Variants in RLIM observed in about 807,000 individuals in gnomAD.
RLIM encodes ring finger protein, LIM domain interacting.
RLIM carries 2 observed loss-of-function variants against 34.0 expected under a neutral mutation model. The ratio of observed to expected loss-of-function variants is 0.06; its 90% CI spans 0.02 to 0.19. The LOEUF is 0.19. Among genes scored for constraint, RLIM ranks in the 10% least tolerant of loss-of-function variants. The probability of loss-of-function intolerance (pLI) is 1.00; values close to 1 mark genes in which losing one functional copy is unlikely to be tolerated. For synonymous variants in RLIM, 169 were observed against 164.0 expected (o/e 1.03, Z -0.23); for missense variants, 286 against 479.7 (o/e 0.60, Z 3.77).
chrX:74,609,896 A>G (rs960977927), intron 1 of RLIM, among the ~76,000 whole-genome samples: 9 of 112,148 alleles, frequency 8.0e-5, no homozygotes, highest in Non-Finnish European at 1.3e-4. Flanking sequence ...CATTCCAGAA[A>G]AAAATTTTAA....
chrX:74,605,565 T>C (rs926261728), intron 1 of RLIM, among the ~76,000 whole-genome samples: 3 of 112,042 alleles, frequency 2.7e-5, no homozygotes, highest in Non-Finnish European at 5.6e-5. Context: ...GCTGGGATCT[T>C]TCAACATCAT....
Position 74,591,273 on chromosome X carries a change from T to C in RLIM, c.*167A>G, listed in dbSNP as rs1602161330. 1 of 460,701 alleles carries C rather than the reference T, an allele frequency of 2.2e-6. No individual in the cohort carries two copies. The highest frequency in any genetic ancestry group is 5.5e-4 in the Middle Eastern group (1 of 1,830). 38.0% of individuals were successfully genotyped at this position (460,701 alleles called of 1,213,427 possible). A position where few individuals can be genotyped will look rare whatever the true frequency, so the allele number is the denominator to read the frequency against. The stretch of plus-strand genomic sequence containing the variant: ...GTGGCTTTTAAAATATTTCCTTTTA[T>C]TCTGGAACAAAAACTGGAGAAAGGA... On this transcript the variant is annotated 3_prime_UTR_variant, in exon 4 of 4. Coordinates refer to ENST00000332687, the MANE Select transcript of RLIM (RefSeq NM_016120.4).
intron 2 of RLIM, among the ~76,000 whole-genome samples, chrX:74,594,929 C>G (rs2079633765): frequency 9.7e-6 from 1 of 103,305 alleles, no homozygotes; most frequent in Non-Finnish European, 2.0e-5. Context: ...AAGGCAAAGG[C>G]AATTCTAAGC....
intron 1 of RLIM, chrX:74,612,733 C>T (rs1055188037): frequency 2.7e-5 from 3 of 109,939 alleles, no homozygotes; most frequent in Admixed American, 9.7e-5. Flanking sequence ...AAAATACAGA[C>T]ACACCATAAC....
At chrX:74,604,113 C>CA (rs60040804) in intron 1 of RLIM, among the ~76,000 whole-genome samples, 23,058 of 77,788 alleles carry the variant, frequency 0.3, 2,952 homozygotes, top group East Asian at 0.89. Context: ...GACTCTGTCT[C>CA]AAAAAAAAAA....
rs756377609 is a variant in RLIM at position 74,590,012 on chromosome X, T to C, written c.*1428A>G. On this transcript the variant is annotated 3_prime_UTR_variant, in exon 4 of 4. Transcript: ENST00000332687. ...TCAACAAAGGATAAAAATCCCTTAA[T>C]CTTCAACTGGTCTTTAAATTTGAGA... 1 of 112,100 alleles carries C rather than the reference T, an allele frequency of 8.9e-6. No homozygotes were observed. The highest frequency in any genetic ancestry group is 3.7e-4 in the South Asian group (1 of 2,713). 9.2% of individuals were successfully genotyped at this position (112,100 alleles called of 1,213,427 possible). A position where few individuals can be genotyped will look rare whatever the true frequency, so the allele number is the denominator to read the frequency against.
rs1931310195 is a variant in RLIM, at chrX:74,584,945, C to T, written c.*6495G>A. On this transcript the variant is annotated 3_prime_UTR_variant, in exon 4 of 4. Coordinates refer to ENST00000332687, the MANE Select transcript of RLIM (RefSeq NM_016120.4). ...AGAAACCGAGTTATGATGCCAATGACAGATAGCTCTGCAGGCACCAGAGGA... is the reference window on the plus strand; with the variant it reads ...AGAAACCGAGTTATGATGCCAATGATAGATAGCTCTGCAGGCACCAGAGGA... Among the ~76,000 whole-genome samples, 1 of 112,084 alleles carries T rather than the reference C, an allele frequency of 8.9e-6. No homozygotes were observed. Among genetic ancestry groups the T allele is most frequent in the East Asian group, 2.8e-4 (1 of 3,599 alleles).
At position 74,583,564 on chromosome X, in the gene RLIM, A is replaced by C; in HGVS notation, c.*7876T>G. The C allele has an allele frequency of 2.0e-6, 1 of 506,516 alleles. No individual in the cohort carries two copies. The highest frequency in any genetic ancestry group is 2.7e-5 in the South Asian group (1 of 37,357). The allele number at this position is 506,516 out of a possible 1,213,427, so 41.7% of individuals were successfully genotyped here. A position where few individuals can be genotyped will look rare whatever the true frequency, so the allele number is the denominator to read the frequency against. On this transcript the variant is annotated 3_prime_UTR_variant, in exon 4 of 4. Transcript: ENST00000332687. Reference sequence around the variant, plus strand: ...GATGAATTCACCAAATTTTTATTCCAGTCTATTTTGAGACTTCTGGAAATA... The same window carrying C: ...GATGAATTCACCAAATTTTTATTCCCGTCTATTTTGAGACTTCTGGAAATA...
intron 1 of RLIM, among the ~76,000 whole-genome samples, chrX:74,596,624 T>C (rs2079641316): frequency 8.9e-6 from 1 of 112,269 alleles, no homozygotes; most frequent in Non-Finnish European, 1.9e-5. Context: ...GAAAATGCAA[T>C]GAAATTCACA....
intron 1 of RLIM, among the ~76,000 whole-genome samples, chrX:74,602,027 T>G (rs2079663759): frequency 9.0e-6 from 1 of 111,720 alleles, no homozygotes; most frequent in African/African-American, 3.3e-5. Context: ...CCCTGTAAAC[T>G]TTAGCATTTT....
rs1172524786 is a variant in RLIM at position 74,585,773 on chromosome X, A to C, written c.*5667T>G. ...AGAAGGGTGTTATGTTCAGGTTTAA[A>C]TTGAAAGAAAATGAGAAACCAGATA... On this transcript the variant is annotated 3_prime_UTR_variant, in exon 4 of 4. Coordinates refer to ENST00000332687, the MANE Select transcript of RLIM (RefSeq NM_016120.4). 1.8e-5 allele frequency: 2 copies of C among 111,984 alleles called. No individual in the cohort carries two copies. The highest frequency in any genetic ancestry group is 3.8e-5 in the Non-Finnish European group (2 of 53,239). 9.2% of individuals were successfully genotyped at this position (111,984 alleles called of 1,213,427 possible).
Position 74,585,412 on chromosome X carries a change from T to G in RLIM, c.*6028A>C, listed in dbSNP as rs565860911. On this transcript the variant is annotated 3_prime_UTR_variant, in exon 4 of 4. Coordinates refer to ENST00000332687, the MANE Select transcript of RLIM (RefSeq NM_016120.4). ...TCTAAAAATCAAGTCTATTTGACAT[T>G]GGTTTGAAGCAACAGAACCTTTATA... is the stretch of plus-strand genomic sequence containing the variant. 3 of 111,962 alleles carry G rather than the reference T, an allele frequency of 2.7e-5. No individual in the cohort carries two copies. Among genetic ancestry groups the G allele is most frequent in the African/African-American group, 6.5e-5 (2 of 30,870 alleles). The allele number at this position is 111,962 out of a possible 1,213,427, so 9.2% of individuals were successfully genotyped here.
chrX:74,609,487 CAAAAAAAAAAAAAA>C (rs752008137), intron 1 of RLIM, among the ~76,000 whole-genome samples: 14 of 32,796 alleles, frequency 4.3e-4, no homozygotes, highest in Admixed American at 2.5e-3. Context: ...GACTCCGTTT[CAAAAAAAAAAAAAA>C]AAAAAAAAAA....
chrX:74,584,092 T>G lies in RLIM; in HGVS notation c.*7348A>C, dbSNP rs1450690923. Among the ~76,000 whole-genome samples the G allele has an allele frequency of 8.9e-6, 1 of 111,784 alleles. No homozygotes were observed. Among genetic ancestry groups the G allele is most frequent in the Non-Finnish European group, 1.9e-5 (1 of 53,181 alleles). ...AAACCAATTTGGCCTTTTTTTTTCT[T>G]GGCAAACCAGCCAAAACTGATGTTT... is the stretch of plus-strand genomic sequence containing the variant. On this transcript the variant is annotated 3_prime_UTR_variant, in exon 4 of 4. Transcript: ENST00000332687.
At position 74,584,080 on chromosome X, in the gene RLIM, CTTTT is replaced by C. The variant is rs928478155; in HGVS notation, c.*7356_*7359del. 2.7e-5 allele frequency among the ~76,000 whole-genome samples: 3 copies of C among 109,918 alleles called. No homozygotes were observed. Among genetic ancestry groups the C allele is most frequent in the East Asian group, 5.7e-4 (2 of 3,530 alleles). ...AAAAATAAACAAAAACCAATTTGGC[CTTTT>C]TTTTTCTTGGCAAACCAGCCAAAAC... On this transcript the variant is annotated 3_prime_UTR_variant, in exon 4 of 4. Coordinates refer to ENST00000332687, the MANE Select transcript of RLIM (RefSeq NM_016120.4).
rs1055587508 is a variant in RLIM, at chrX:74,584,853, A to G, written c.*6587T>C. On this transcript the variant is annotated 3_prime_UTR_variant, in exon 4 of 4. Transcript: ENST00000332687. ...TGAGTTTCAAATAATAAAATCATGAATGACACTAAACTTAAAACCTTGGGA... is the reference window on the plus strand; with the variant it reads ...TGAGTTTCAAATAATAAAATCATGAGTGACACTAAACTTAAAACCTTGGGA... 3.6e-5 allele frequency among the ~76,000 whole-genome samples: 4 copies of G among 112,100 alleles called. No homozygotes were observed. The Admixed American group carries it at 3.8e-4, about 11-fold the overall frequency.
In RLIM at chrX:74,584,026, CAGGGCGAG is replaced by C. The variant is rs973808520; in HGVS notation, c.*7406_*7413del. Among the ~76,000 whole-genome samples, 34 of 111,758 alleles carry C rather than the reference CAGGGCGAG, an allele frequency of 3.0e-4. No homozygotes were observed. The highest frequency in any genetic ancestry group is 1.1e-3 in the African/African-American group (34 of 30,693). ...CACCATTGCACTCCAGCCTGGGCGA[CAGGGCGAG>C]AATCCATCTCAAACAAACAAAAAAA... On this transcript the variant is annotated 3_prime_UTR_variant, in exon 4 of 4. Transcript: ENST00000332687.
chrX:74,599,336 A>G (rs2079652048), intron 1 of RLIM, among the ~76,000 whole-genome samples: 1 of 111,980 alleles, frequency 8.9e-6, no homozygotes, highest in Non-Finnish European at 1.9e-5. Flanking sequence ...ATGGTAGTCA[A>G]CAATCTAAAA....
In RLIM at chrX:74,598,710, C is replaced by T. The variant is rs1480640967; in HGVS notation, c.-23-2710G>A. Among the ~76,000 whole-genome samples the T allele has an allele frequency of 4.8e-5, 5 of 103,992 alleles. No individual in the cohort carries two copies. The East Asian group carries it at 1.2e-3, about 25-fold the overall frequency. 90.3% of individuals were successfully genotyped at this position (103,992 alleles called of 115,157 possible). On this transcript the variant is annotated intron_variant, in intron 1 of 3. Transcript: ENST00000332687. ...AGGAGAATGGCATGAACCTGGGAGGCGGAGCTTGCAGTGAGCAGAGATCGC... is the reference window on the plus strand; with the variant it reads ...AGGAGAATGGCATGAACCTGGGAGGTGGAGCTTGCAGTGAGCAGAGATCGC...
Sources: gnomAD v4.1 joint callset for allele counts (sites outside exome capture counted in the v4.1 genomes callset) on GRCh38, gnomAD v4.1.1 for gene constraint, MANE v1.5 for transcripts, NCBI Gene and HGNC (gene_info 2026-07-23, HGNC 2026-07-21) for gene names.